Variants in KAT8 observed in about 807,000 individuals in gnomAD.
The protein encoded by KAT8 is histone acetyltransferase KAT8.
KAT8 carries 40 observed loss-of-function variants against 62.9 expected under a neutral mutation model. The observed-to-expected ratio is 0.64, with a 90% CI of 0.49 to 0.83. KAT8 has a LOEUF of 0.83. Ranked by LOEUF, KAT8 falls within the 40% of genes least tolerant of loss-of-function variation. The pLI, the probability that KAT8 is intolerant of heterozygous loss-of-function variation, is 0.00. For synonymous variants in KAT8, 278 were observed against 254.5 expected, an observed-to-expected ratio of 1.09 and a Z score of -0.88; for missense variants, 387 against 614.8, an observed-to-expected ratio of 0.63 and a Z score of 3.92.
chr16:31,127,272 C>T lies in KAT8; in HGVS notation c.600C>T (p.Asp200=). 1 of 1,614,186 alleles carries T rather than the reference C, an allele frequency of 6.2e-7. No homozygotes were observed. Among genetic ancestry groups the T allele is most frequent in the Non-Finnish European group, 8.5e-7 (1 of 1,179,990 alleles). ...GGTATTTCTCACCATTCCCCGAAGA[C>T]TATGGGAAACAGCCCAAGCTCTGGC... The part of the protein sequence containing the change: ...DAWYFSPFPE[D]YGKQPKLWLC... The change falls in exon 5 of 11, where the codon GAC becomes GAT. Residue 200 remains aspartate, a synonymous_variant. Transcript: ENST00000219797.
chr16:31,122,662 C>CTGA (rs1176240918), intron 3 of KAT8: 2 of 150,374 alleles, frequency 1.3e-5, no homozygotes, highest in Non-Finnish European at 3.0e-5. Context: ...GGTGGATCAC[C>CTGA]AGGTCAGAAG....
intron 6 of KAT8, 135 bp downstream of exon 6, chr16:31,128,274 A>G (rs1431347630): frequency 5.9e-6 from 4 of 678,618 alleles, no homozygotes; most frequent in African/African-American, 5.3e-5. Flanking sequence ...GGGGCCGGGC[A>G]CTGCAGCTCA....
rs2057560291 is a variant in KAT8 at position 31,129,865 on chromosome 16, TC to T, written c.772-151del. 20 of 854,194 alleles carry T rather than the reference TC, an allele frequency of 2.3e-5. No individual in the cohort carries two copies. The South Asian group carries it at 3.1e-4, about 13-fold the overall frequency. 52.9% of individuals were successfully genotyped at this position (854,194 alleles called of 1,614,324 possible). A position where few individuals can be genotyped will look rare whatever the true frequency, so the allele number is the denominator to read the frequency against. On this transcript the variant is annotated intron_variant, in intron 6 of 10. Transcript: ENST00000219797. ...TGCTCTCTCATTTCCAGTTCCCTGT[TC>T]GTCAGAGGCTGACCGAAGACTCCTT...
intron 6 of KAT8, among the ~76,000 whole-genome samples, chr16:31,129,619 C>T (rs996567600): frequency 6.6e-6 from 1 of 152,162 alleles, no homozygotes; most frequent in Non-Finnish European, 1.5e-5. Flanking sequence ...GTTTACCAGG[C>T]ACCCAGCTTC....
At chr16:31,120,312 C>G (rs1267659664) in intron 2 of KAT8, 27 bp from the exon 3 acceptor site, 1 of 1,614,124 alleles carries the variant, frequency 6.2e-7, no homozygotes, top group Admixed American at 1.7e-5. Flanking sequence ...GCTGCCCTGG[C>G]AGCACTCTTA....
rs2057568878 is a variant in KAT8 at position 31,130,439 on chromosome 16, C to T, written c.1007-17C>T. ...AGGGCAGGCTGGATCCTAAGTTCCT[C>T]TTTCTACTGCTGCCAGGTTATGAGC... On this transcript the variant is annotated splice_polypyrimidine_tract_variant and intron_variant, in intron 8 of 10. Transcript: ENST00000219797. The T allele has an allele frequency of 6.2e-7, 1 of 1,614,126 alleles. No individual in the cohort carries two copies. The highest frequency in any genetic ancestry group is 1.3e-5 in the African/African-American group (1 of 75,056).
chr16:31,126,995 A>G (rs1567436121), intron 3 of KAT8, 40 bp from the exon 4 acceptor site: 7 of 1,611,676 alleles, frequency 4.3e-6, no homozygotes, highest in Non-Finnish European at 5.9e-6. Flanking sequence ...CCTGGTCACC[A>G]CTTCTGTTCA....
intron 6 of KAT8, among the ~76,000 whole-genome samples, 187 bp from the exon 7 acceptor site, chr16:31,129,830 G>A (rs931614776): frequency 2.0e-5 from 3 of 152,234 alleles, no homozygotes; most frequent in Non-Finnish European, 2.9e-5. Flanking sequence ...TGGCACCTCC[G>A]AAGTGCTGTT....
At chr16:31,122,146 A>G (rs1223730955) in intron 3 of KAT8, 5 of 152,242 alleles carry the variant, frequency 3.3e-5, no homozygotes, top group Non-Finnish European at 7.3e-5. Flanking sequence ...ACTTTCAGCT[A>G]TTGCAGCTTC....
intron 4 of KAT8, 45 bp from the exon 5 acceptor site, chr16:31,127,144 C>T (rs1462538596): frequency 1.2e-6 from 2 of 1,609,360 alleles, no homozygotes; most frequent in East Asian, 2.2e-5. Flanking sequence ...GCCGAGGAGC[C>T]CCTGCTGAGC....
chr16:31,127,628 T>C (rs538635127), intron 5 of KAT8, among the ~76,000 whole-genome samples: 1 of 152,186 alleles, frequency 6.6e-6, no homozygotes, highest in Non-Finnish European at 1.5e-5. Flanking sequence ...CAAGGCCAGC[T>C]CCATCCCAGG....
intron 3 of KAT8, among the ~76,000 whole-genome samples, chr16:31,121,565 C>A (rs2057493742): frequency 6.6e-6 from 1 of 152,008 alleles, no homozygotes; most frequent in Admixed American, 6.6e-5. Context: ...GAGCCAGAGG[C>A]CTTAGCAATG....
intron 10 of KAT8, 59 bp downstream of exon 10, chr16:31,130,959 T>A: frequency 6.3e-7 from 1 of 1,576,682 alleles, no homozygotes; most frequent in Non-Finnish European, 8.6e-7. Context: ...TATGGACTGG[T>A]AGGAGTCAAG....
Position 31,119,554 on chromosome 16 carries a change from A to G in KAT8, c.212-632A>G, listed in dbSNP as rs775484353. ...GTGGTAAAATGAGCATTGAATTTAG[A>G]GTCAGACTTAAATTCAGTTAAGTAT... On this transcript the variant is annotated intron_variant, in intron 1 of 10. Transcript: ENST00000219797. Among the ~76,000 whole-genome samples, 107 of 152,234 alleles carry G rather than the reference A, an allele frequency of 7.0e-4. 1 individual carries two copies. Among genetic ancestry groups the G allele is most frequent in the Non-Finnish European group, 3.4e-4 (23 of 68,042 alleles).
chr16:31,126,968 C>A, intron 3 of KAT8, 67 bp from the exon 4 acceptor site: 1 of 1,563,260 alleles, frequency 6.4e-7, no homozygotes, highest in Non-Finnish European at 8.8e-7. Context: ...CCTTGTGGGT[C>A]CTGACGGGAG....
intron 3 of KAT8, among the ~76,000 whole-genome samples, chr16:31,123,234 C>T (rs913711760): frequency 6.6e-6 from 1 of 151,890 alleles, no homozygotes; most frequent in Non-Finnish European, 1.5e-5. Context: ...TTTATTTTTT[C>T]GAGACAGAGT....
At chr16:31,118,898 T>G (rs2057472085) in intron 1 of KAT8, among the ~76,000 whole-genome samples, 1 of 150,692 alleles carries the variant, frequency 6.6e-6, no homozygotes, top group African/African-American at 2.4e-5. Flanking sequence ...TTTTTTTTTT[T>G]TTTGAGACAG....
intron 3 of KAT8, 54 bp from the exon 4 acceptor site, chr16:31,126,981 A>G: frequency 6.3e-7 from 1 of 1,599,860 alleles, no homozygotes; most frequent in Non-Finnish European, 8.6e-7. Context: ...GACGGGAGGG[A>G]CAGCCTGGTC....
At position 31,131,179 on chromosome 16, in the gene KAT8, C is replaced by T. The variant is rs377209823; in HGVS notation, c.1313-16C>T. On this transcript the variant is annotated splice_polypyrimidine_tract_variant and intron_variant, in intron 10 of 10. Transcript: ENST00000219797. ...GGCCCAGGCCCAGCCCTGCCTCCCGCCCCTTCTCCCCACAGTGGACTCCGT... is the reference window on the plus strand; with the variant it reads ...GGCCCAGGCCCAGCCCTGCCTCCCGTCCCTTCTCCCCACAGTGGACTCCGT... 1 of 1,613,622 alleles carries T rather than the reference C, an allele frequency of 6.2e-7. No individual in the cohort carries two copies. Among genetic ancestry groups the T allele is most frequent in the Non-Finnish European group, 8.5e-7 (1 of 1,179,788 alleles).
Sources: allele counts gnomAD v4.1 joint callset (sites outside exome capture counted in the v4.1 genomes callset), GRCh38; gene constraint gnomAD v4.1.1; transcripts MANE v1.5; gene names NCBI Gene and HGNC (gene_info 2026-07-23, HGNC 2026-07-21).